GNA14: variants seen among roughly 807,000 people sequenced by gnomAD.
The protein encoded by GNA14 is G protein subunit alpha 14.
Under a neutral mutation model 42.0 loss-of-function variants are expected in GNA14, and 50 were observed. That is an observed-to-expected ratio of 1.19 (90% CI 0.95 to 1.51). The LOEUF is 1.51. Among genes scored for constraint, GNA14 ranks in the 40% most tolerant of loss-of-function variants. GNA14 has a pLI of 0.00. For synonymous variants in GNA14, 173 were observed against 163.1 expected (o/e 1.06, Z -0.46); for missense variants, 473 against 446.2 (o/e 1.06, Z -0.54).
chr9:77,493,438 A>T (rs1836821058), intron 2 of GNA14, among the ~76,000 whole-genome samples: 1 of 152,210 alleles, frequency 6.6e-6, no homozygotes, highest in African/African-American at 2.4e-5. Context: ...AAGTACCAAC[A>T]GTGATTTGCT....
chr9:77,436,541 T>C (rs75721425), intron 2 of GNA14, among the ~76,000 whole-genome samples: 7,270 of 152,254 alleles, frequency 0.048, 496 homozygotes, highest in African/African-American at 0.15. Context: ...TATTCTTGGC[T>C]GGCGAGAATG....
At chr9:77,583,658 C>T (rs1470461244) in intron 1 of GNA14, among the ~76,000 whole-genome samples, 1 of 152,190 alleles carries the variant, frequency 6.6e-6, no homozygotes, top group Non-Finnish European at 1.5e-5. Flanking sequence ...CTTCTCCAAG[C>T]TTTCAGCCCT....
At chr9:77,507,397 A>G (rs1485269414) in intron 2 of GNA14, among the ~76,000 whole-genome samples, 1 of 152,194 alleles carries the variant, frequency 6.6e-6, no homozygotes, top group Non-Finnish European at 1.5e-5. Flanking sequence ...CAAAGGCAGG[A>G]AAACCTTTTA....
intron 1 of GNA14, among the ~76,000 whole-genome samples, chr9:77,629,144 G>C (rs1293016432): frequency 6.6e-6 from 1 of 152,188 alleles, no homozygotes; most frequent in African/African-American, 2.4e-5. Flanking sequence ...ATCACCACTG[G>C]TCATTAGAGA....
intron 1 of GNA14, among the ~76,000 whole-genome samples, chr9:77,597,166 C>G (rs1416073963): frequency 6.6e-6 from 1 of 152,196 alleles, no homozygotes; most frequent in Admixed American, 6.5e-5. Flanking sequence ...TCTTGAATGT[C>G]AAGCCTGGTG....
rs11145494 is a variant in GNA14, at chr9:77,620,477, A to C, written c.124+27193T>G. 2.8e-4 allele frequency among the ~76,000 whole-genome samples: 42 copies of C among 152,346 alleles called. No homozygotes were observed. The East Asian group carries it at 7.7e-3, about 28-fold the overall frequency. Reference sequence around the variant, plus strand: ...TCCGGACAAAATACAAATTAGAAACAATATTTCTAATTAGAGCTCTAGCAA... The same window carrying C: ...TCCGGACAAAATACAAATTAGAAACCATATTTCTAATTAGAGCTCTAGCAA... On this transcript the variant is annotated intron_variant, in intron 1 of 6. Coordinates refer to ENST00000341700, the MANE Select transcript of GNA14 (RefSeq NM_004297.4).
intron 2 of GNA14, among the ~76,000 whole-genome samples, chr9:77,447,422 A>G (rs989944059): frequency 2.0e-5 from 3 of 152,134 alleles, no homozygotes; most frequent in East Asian, 1.9e-4. Flanking sequence ...CTCTTCCCCA[A>G]TCAAAAAGTG....
chr9:77,620,934 TTTTA>T (rs1372288587), intron 1 of GNA14, among the ~76,000 whole-genome samples: 2 of 152,066 alleles, frequency 1.3e-5, no homozygotes, highest in Non-Finnish European at 2.9e-5. Context: ...TGACTTTATT[TTTTA>T]TTTATTTATT....
Position 77,595,457 on chromosome 9 carries a change from C to T in GNA14, c.124+52213G>A, listed in dbSNP as rs567748628. On this transcript the variant is annotated intron_variant, in intron 1 of 6. Transcript: ENST00000341700. Reference sequence around the variant, plus strand: ...GGGCTGCTGTGCTGAGTGCAACATACACACACCTCATCCTGTAGAAGAGGA... The same window carrying T: ...GGGCTGCTGTGCTGAGTGCAACATATACACACCTCATCCTGTAGAAGAGGA... Among the ~76,000 whole-genome samples the T allele has an allele frequency of 3.3e-5, 5 of 152,098 alleles. No homozygotes were observed. In the East Asian group the frequency reaches 7.7e-4, roughly 23 times the overall value.
intron 1 of GNA14, among the ~76,000 whole-genome samples, chr9:77,623,752 T>C (rs1462546401): frequency 6.6e-6 from 1 of 152,182 alleles, no homozygotes; most frequent in East Asian, 1.9e-4. Context: ...ACTACACTTT[T>C]CCGACGGTCT....
intron 2 of GNA14, among the ~76,000 whole-genome samples, chr9:77,523,422 C>T (rs775168024): frequency 1.3e-4 from 20 of 152,020 alleles, no homozygotes; most frequent in African/African-American, 3.6e-4. Context: ...CCAGAATTCA[C>T]GAGAACTCAC....
chr9:77,588,268 C>T (rs1823336353), intron 1 of GNA14, among the ~76,000 whole-genome samples: 3 of 152,222 alleles, frequency 2.0e-5, no homozygotes, highest in South Asian at 4.1e-4. Flanking sequence ...CACACCCTGA[C>T]ACCCCTTCAG....
chr9:77,626,074 A>G (rs137856234), intron 1 of GNA14, among the ~76,000 whole-genome samples: 16 of 150,320 alleles, frequency 1.1e-4, no homozygotes, highest in Admixed American at 2.6e-4. Flanking sequence ...AAAAAAAAAG[A>G]AGCAGGGTTT....
At chr9:77,459,346 G>T (rs1016449789) in intron 2 of GNA14, among the ~76,000 whole-genome samples, 2 of 152,106 alleles carry the variant, frequency 1.3e-5, no homozygotes, top group Non-Finnish European at 2.9e-5. Flanking sequence ...CTGTAAGATT[G>T]CCTGCAGCTC....
intron 1 of GNA14, among the ~76,000 whole-genome samples, chr9:77,624,482 C>T (rs920581892): frequency 2.9e-4 from 44 of 152,184 alleles, no homozygotes; most frequent in African/African-American, 1.1e-3. Context: ...CTGGGAGACA[C>T]CTCCCAGCGG....
At chr9:77,568,085 CTTGT>C (rs1822999025) in intron 1 of GNA14, among the ~76,000 whole-genome samples, 1 of 152,110 alleles carries the variant, frequency 6.6e-6, no homozygotes, top group South Asian at 2.1e-4. Context: ...AGTAGTCTTT[CTTGT>C]TTATCACTTT....
At chr9:77,562,214 A>T (rs1337008815) in intron 1 of GNA14, among the ~76,000 whole-genome samples, 1 of 152,182 alleles carries the variant, frequency 6.6e-6, no homozygotes, top group African/African-American at 2.4e-5. Flanking sequence ...TGATTTAAAT[A>T]AAGTTAGGAA....
chr9:77,526,226 T>C (rs1024176540), intron 2 of GNA14, among the ~76,000 whole-genome samples: 2 of 151,960 alleles, frequency 1.3e-5, no homozygotes, highest in Admixed American at 6.6e-5. Flanking sequence ...TTGGGACTTT[T>C]TGAGTTGATA....
intron 5 of GNA14, among the ~76,000 whole-genome samples, chr9:77,428,300 C>T (rs1227467687): frequency 6.6e-6 from 1 of 151,896 alleles, no homozygotes; most frequent in Non-Finnish European, 1.5e-5. Context: ...AGGATGGTCT[C>T]GATCTCCTGA....
Sources: gnomAD v4.1 joint callset for allele counts (sites outside exome capture counted in the v4.1 genomes callset) on GRCh38, gnomAD v4.1.1 for gene constraint, MANE v1.5 for transcripts, NCBI Gene and HGNC (gene_info 2026-07-23, HGNC 2026-07-21) for gene names.